CUL9: variants seen among roughly 807,000 people sequenced by gnomAD.
CUL9 encodes the protein cullin-9.
Under a neutral mutation model 272.6 loss-of-function variants are expected in CUL9, and 79 were observed. The observed-to-expected ratio is 0.29, with a 90% confidence interval of 0.24 to 0.35. CUL9 has a LOEUF of 0.35. Ranked by LOEUF, CUL9 falls within the 10% of genes least tolerant of loss-of-function variation. CUL9 has a pLI of 1.00. For synonymous variants in CUL9, 1,186 were observed against 1,286.5 expected (o/e 0.92, Z 1.67); for missense variants, 2,532 against 3,255.6 (o/e 0.78, Z 5.41).
In CUL9 at chr6:43,223,173, G is replaced by C. The variant is rs1395078353; in HGVS notation, c.7151-91G>C. 1 of 1,470,844 alleles carries C rather than the reference G, an allele frequency of 6.8e-7. No individual in the cohort carries two copies. Among genetic ancestry groups the C allele is most frequent in the African/African-American group, 1.4e-5 (1 of 71,454 alleles). 91.1% of individuals were successfully genotyped at this position (1,470,844 alleles called of 1,614,324 possible). A position where few individuals can be genotyped will look rare whatever the true frequency, so the allele number is the denominator to read the frequency against. On this transcript the variant is annotated intron_variant, in intron 38 of 40. Transcript: ENST00000252050. The surrounding 1 kb of genome is among the most constrained non-coding windows in gnomAD (Gnocchi z 4.1). The stretch of plus-strand genomic sequence containing the variant: ...ATGAGAATGTCTAGAGCTGCACCTG[G>C]TGCTTGGTAGACGTTCCATAGGTGT...
At position 43,221,697 on chromosome 6, in the gene CUL9, C is replaced by G. The variant is rs755352289; in HGVS notation, c.6765C>G (p.Ala2255=). ...GCTTCCTCCATAGCATGACCTGTGC[C>G]AAATGTAACCATGGATTCTGCTGGC... The part of the protein sequence containing the change: ...KNEGCLHMTC[A]KCNHGFCWRC... The change falls in exon 35 of 41, where the codon GCC becomes GCG. Residue 2255 remains alanine, a synonymous_variant. Coordinates refer to ENST00000252050, the MANE Select transcript of CUL9 (RefSeq NM_015089.4). The surrounding 1 kb of genome is among the most constrained non-coding windows in gnomAD (Gnocchi z 4.2). 1 of 1,613,880 alleles carries G rather than the reference C, an allele frequency of 6.2e-7. No individual in the cohort carries two copies. The highest frequency in any genetic ancestry group is 1.1e-5 in the South Asian group (1 of 91,050).
At position 43,187,236 on chromosome 6, in the gene CUL9, G is replaced by C; in HGVS notation, c.1388-10G>C. ...AGGGGTGCTGATGCCCGCCATGCCT[G>C]TGTCCTCAGCATTTCCCTCCTGGGA... is the stretch of plus-strand genomic sequence containing the variant. On this transcript the variant is annotated splice_polypyrimidine_tract_variant and intron_variant, in intron 5 of 40. Coordinates refer to ENST00000252050, the MANE Select transcript of CUL9 (RefSeq NM_015089.4). 6.2e-7 allele frequency: 1 copy of C among 1,613,256 alleles called. No individual in the cohort carries two copies. Among genetic ancestry groups the C allele is most frequent in the South Asian group, 1.1e-5 (1 of 91,066 alleles).
At position 43,205,988 on chromosome 6, in the gene CUL9, C is replaced by G. The variant is rs768796897; in HGVS notation, c.4794-19C>G. On this transcript the variant is annotated intron_variant, in intron 24 of 40. Transcript: ENST00000252050. ...CTGGCACCCACACTGAGGCTTGGCC[C>G]GGGCTGTGTGTGCTGCAGGCATTAT... is the stretch of plus-strand genomic sequence containing the variant. 6.2e-7 allele frequency: 1 copy of G among 1,609,724 alleles called. No individual in the cohort carries two copies. Among genetic ancestry groups the G allele is most frequent in the Non-Finnish European group, 8.5e-7 (1 of 1,176,710 alleles).
At chr6:43,201,771 G>T (rs533203455) in intron 16 of CUL9, among the ~76,000 whole-genome samples, 3 of 152,220 alleles carry the variant, frequency 2.0e-5, no homozygotes, top group Admixed American at 2.0e-4. Context: ...GAACCACTGC[G>T]CCCGGCCGAA....
At position 43,216,441 on chromosome 6, in the gene CUL9, G is replaced by T; in HGVS notation, c.6220G>T (p.Val2074Leu). 6.2e-7 allele frequency: 1 copy of T among 1,611,362 alleles called. No homozygotes were observed. Among genetic ancestry groups the T allele is most frequent in the Non-Finnish European group, 8.5e-7 (1 of 1,177,808 alleles). The change falls in exon 31 of 41, where the codon GTG becomes TTG. Residue 2074 changes from valine to leucine, a missense_variant. This residue lies in a region of CUL9 where 2,218 missense variants were observed against 2,788.6 expected (regional missense o/e 0.80). Coordinates refer to ENST00000252050, the MANE Select transcript of CUL9 (RefSeq NM_015089.4). Reference protein sequence around the residue: ...PVRPDHCPVCVSPLGCDDDLP... With the variant: ...PVRPDHCPVCLSPLGCDDDLP... ...ACGGCCTGACCACTGCCCCGTCTGTGTGAGCCCCCTGGGGTGTGACGACGA... is the reference window on the plus strand; with the variant it reads ...ACGGCCTGACCACTGCCCCGTCTGTTTGAGCCCCCTGGGGTGTGACGACGA...
chr6:43,213,336 T>C lies in CUL9; in HGVS notation c.5358+42T>C. On this transcript the variant is annotated intron_variant, in intron 27 of 40. Transcript: ENST00000252050. This position sits in a 1 kb window ranked among gnomAD's most constrained non-coding sequence, Gnocchi z 5.7. The stretch of plus-strand genomic sequence containing the variant: ...CCTCTCTCTGCCTTCTCTGCTACCT[T>C]ATCTGTCGCTGTTCTCCTCCTAAAC... 6.2e-7 allele frequency: 1 copy of C among 1,612,016 alleles called. No individual in the cohort carries two copies. Among genetic ancestry groups the C allele is most frequent in the South Asian group, 1.1e-5 (1 of 90,908 alleles).
intron 16 of CUL9, among the ~76,000 whole-genome samples, chr6:43,201,918 G>A (rs779956741): frequency 9.2e-5 from 14 of 152,238 alleles, no homozygotes; most frequent in Non-Finnish European, 1.6e-4. Context: ...TAAGAAGGGA[G>A]GAGAGAAAAC....
Position 43,205,440 on chromosome 6 carries a change from A to G in CUL9, c.4793+17A>G. The G allele has an allele frequency of 6.2e-7, 1 of 1,608,658 alleles. No individual in the cohort carries two copies. The highest frequency in any genetic ancestry group is 2.2e-5 in the East Asian group (1 of 44,662). On this transcript the variant is annotated intron_variant, in intron 24 of 40. Coordinates refer to ENST00000252050, the MANE Select transcript of CUL9 (RefSeq NM_015089.4). ...CTTCTATCAGTGAGTGCAGGTCTGG[A>G]GGCATAGGGGATGGGAGGCCTAGAT...
Position 43,221,004 on chromosome 6 carries a change from T to A in CUL9, c.6588+93T>A, listed in dbSNP as rs796315743. ...CCCCGCCACACACACAGACTGTGAC[T>A]TGTCCTTCCTCAGCCTCTGCCACCC... On this transcript the variant is annotated intron_variant, in intron 33 of 40. Coordinates refer to ENST00000252050, the MANE Select transcript of CUL9 (RefSeq NM_015089.4). This position sits in a 1 kb window ranked among gnomAD's most constrained non-coding sequence, Gnocchi z 4.2. 13 of 1,484,422 alleles carry A rather than the reference T, an allele frequency of 8.8e-6. No individual in the cohort carries two copies. In the East Asian group the frequency reaches 1.2e-4, roughly 14 times the overall value. 92.0% of individuals were successfully genotyped at this position (1,484,422 alleles called of 1,614,324 possible).
rs1776404481 is a variant in CUL9 at position 43,221,986 on chromosome 6, C to T, written c.6846+208C>T. Reference sequence around the variant, plus strand: ...GACCTTCAGCTCCAGAACAGGACTTCTCATACCGAGGTGGCTACAGAAAGG... The same window carrying T: ...GACCTTCAGCTCCAGAACAGGACTTTTCATACCGAGGTGGCTACAGAAAGG... On this transcript the variant is annotated intron_variant, in intron 35 of 40. Coordinates refer to ENST00000252050, the MANE Select transcript of CUL9 (RefSeq NM_015089.4). This position sits in a 1 kb window ranked among gnomAD's most constrained non-coding sequence, Gnocchi z 4.2. 4 of 599,758 alleles carry T rather than the reference C, an allele frequency of 6.7e-6. No individual in the cohort carries two copies. Among genetic ancestry groups the T allele is most frequent in the Non-Finnish European group, 1.2e-5 (4 of 339,700 alleles). The allele number at this position is 599,758 out of a possible 1,614,324, so 37.2% of individuals were successfully genotyped here.
chr6:43,188,661 TGGA>T lies in CUL9; in HGVS notation c.2132_2134del (p.Glu711del), dbSNP rs1375148580. 1.2e-6 allele frequency: 2 copies of T among 1,614,004 alleles called. No homozygotes were observed. The highest frequency in any genetic ancestry group is 2.7e-5 in the African/African-American group (2 of 74,924). ...GGGCTCTCTGCCCTCTCTCAGGCTG[TGGA>T]GGAGGTCACTGAGCGGGACCACCCT... On this transcript the variant is annotated inframe_deletion, in exon 8 of 41. Transcript: ENST00000252050.
In CUL9 at chr6:43,182,471, T is replaced by C. The variant is rs149448744; in HGVS notation, c.-10+222T>C. On this transcript the variant is annotated intron_variant, in intron 1 of 40. Transcript: ENST00000252050. Reference sequence around the variant, plus strand: ...GGCCTCCTCCACCTCCCCACGGCTCTGCAAGCTTGGGCTTGACCTTGCTAT... The same window carrying C: ...GGCCTCCTCCACCTCCCCACGGCTCCGCAAGCTTGGGCTTGACCTTGCTAT... Among the ~76,000 whole-genome samples, 753 of 142,786 alleles carry C rather than the reference T, an allele frequency of 5.3e-3. 7 individuals carry two copies. Among genetic ancestry groups the C allele is most frequent in the African/African-American group, 0.019 (725 of 37,682 alleles). 93.7% of individuals were successfully genotyped at this position (142,786 alleles called of 152,430 possible).
chr6:43,187,446 T>C lies in CUL9; in HGVS notation c.1581+7T>C, dbSNP rs1337092353. The C allele has an allele frequency of 5.6e-6, 9 of 1,613,414 alleles. No individual in the cohort carries two copies. Among genetic ancestry groups the C allele is most frequent in the South Asian group, 4.4e-5 (4 of 91,058 alleles). On this transcript the variant is annotated splice_region_variant and intron_variant, in intron 6 of 40. Transcript: ENST00000252050. ...TTGGAAGAACCTGGATGAGGTATTA[T>C]AGGTCTGAGATACCTGGGGGTTTTC...
intron 26 of CUL9, among the ~76,000 whole-genome samples, chr6:43,209,790 C>G (rs966534977): frequency 6.6e-6 from 1 of 151,384 alleles, no homozygotes; most frequent in Non-Finnish European, 1.5e-5. Context: ...GGACCATAGG[C>G]GTGTGCCACC....
Position 43,204,936 on chromosome 6 carries a change from A to T in CUL9, c.4453A>T (p.Ser1485Cys). The T allele has an allele frequency of 6.2e-7, 1 of 1,608,546 alleles. No individual in the cohort carries two copies. The highest frequency in any genetic ancestry group is 8.5e-7 in the Non-Finnish European group (1 of 1,176,274). The part of the protein sequence containing the change: ...CWLSVVQEQV[S>C]RFLAAAWRAP... ...CATTTCTTGCCTTTCTCCTCAGGTC[A>T]GCAGATTCCTGGCTGCAGCTTGGAG... The change falls in exon 23 of 41, where the codon AGC becomes TGC. Residue 1485 changes from serine (S) to cysteine (C), a missense_variant. Coordinates refer to ENST00000252050, the MANE Select transcript of CUL9 (RefSeq NM_015089.4).
Position 43,200,892 on chromosome 6 carries a change from C to G in CUL9, c.3647+58C>G. On this transcript the variant is annotated intron_variant, in intron 16 of 40. Transcript: ENST00000252050. The surrounding 1 kb of genome is among the most constrained non-coding windows in gnomAD (Gnocchi z 4.0). ...GCCCCAGGATACTTCCCCAAAGCAC[C>G]CAGATACACACAACCCCAGCTATAA... 1 of 1,600,598 alleles carries G rather than the reference C, an allele frequency of 6.2e-7. No homozygotes were observed. The highest frequency in any genetic ancestry group is 8.6e-7 in the Non-Finnish European group (1 of 1,169,358).
In CUL9 at chr6:43,206,553, C is replaced by T. The variant is rs751715325; in HGVS notation, c.5212+43C>T. ...GGAAATTGGAGATCGGGGTGAGATT[C>T]GGGGTGGCAAGAGAGGAAGAGGAGA... On this transcript the variant is annotated intron_variant, in intron 26 of 40. Transcript: ENST00000252050. The surrounding 1 kb of genome is among the most constrained non-coding windows in gnomAD (Gnocchi z 4.8). 2.8e-5 allele frequency: 45 copies of T among 1,590,390 alleles called. No homozygotes were observed. In the East Asian group the frequency reaches 4.9e-4, roughly 17 times the overall value.
rs1437549675 is a variant in CUL9, at chr6:43,187,037, T to C, written c.1329T>C (p.Thr443=). 6.2e-7 allele frequency: 1 copy of C among 1,613,938 alleles called. No individual in the cohort carries two copies. Among genetic ancestry groups the C allele is most frequent in the African/African-American group, 1.3e-5 (1 of 74,882 alleles). The change falls in exon 5 of 41, where the codon ACT becomes ACC. Residue 443 remains threonine, a synonymous_variant. Coordinates refer to ENST00000252050, the MANE Select transcript of CUL9 (RefSeq NM_015089.4). The part of the protein sequence containing the change: ...MLEILGPEEA[T]EDKASAAVEK... ...AGATCCTGGGCCCTGAGGAAGCCAC[T>C]GAGGATAAGGCTTCAGCAGCTGTGG...
Position 43,221,672 on chromosome 6 carries a change from G to A in CUL9, c.6753-13G>A, listed in dbSNP as rs1776381835. ...AGAGGCAGGAGTCCCTGACCAGCCA[G>A]CTTCCTCCATAGCATGACCTGTGCC... is the stretch of plus-strand genomic sequence containing the variant. On this transcript the variant is annotated splice_polypyrimidine_tract_variant and intron_variant, in intron 34 of 40. Coordinates refer to ENST00000252050, the MANE Select transcript of CUL9 (RefSeq NM_015089.4). This position sits in a 1 kb window ranked among gnomAD's most constrained non-coding sequence, Gnocchi z 4.2. 6.2e-7 allele frequency: 1 copy of A among 1,612,736 alleles called. No individual in the cohort carries two copies. The highest frequency in any genetic ancestry group is 8.5e-7 in the Non-Finnish European group (1 of 1,179,470).
Sources: gnomAD v4.1 joint callset for allele counts (sites outside exome capture counted in the v4.1 genomes callset) on GRCh38, gnomAD v4.1.1 for gene constraint, gnomAD v4.1.1 regional missense constraint, Gnocchi (gnomAD v3.1) non-coding constraint, MANE v1.5 for transcripts, NCBI Gene and HGNC (gene_info 2026-07-23, HGNC 2026-07-21) for gene names.